The following SH2B2 variants were observed in gnomAD, a reference collection of about 807,000 sequenced individuals.
SH2B2 encodes SH2B adapter protein 2.
Under a neutral mutation model 35.7 loss-of-function variants are expected in SH2B2, and 37 were observed. The ratio of observed to expected loss-of-function variants is 1.04; its 90% CI spans 0.80 to 1.36. SH2B2 has a LOEUF of 1.36. Ranked by LOEUF, SH2B2 falls within the 40% of genes most tolerant of loss-of-function variation. SH2B2 has a pLI of 0.00. For missense variants in SH2B2, 852 were observed against 817.7 expected (o/e 1.04, Z -0.51); for synonymous variants, 383 against 376.4 (o/e 1.02, Z -0.20).
At chr7:102,313,554 T>G (rs1257675118) in intron 4 of SH2B2, among the ~76,000 whole-genome samples, 1 of 152,190 alleles carries the variant, frequency 6.6e-6, no homozygotes, top group Non-Finnish European at 1.5e-5. Context: ...CCCAGAATGC[T>G]AGGATTACAA....
At chr7:102,305,252 TTTTTATTTTA>T (rs149707422) in intron 2 of SH2B2, among the ~76,000 whole-genome samples, 2,800 of 151,934 alleles carry the variant, frequency 0.018, 104 homozygotes, top group African/African-American at 0.063. Context: ...ATTTTTTATT[TTTTTATTTTA>T]TTTTATTTTA....
At position 102,300,667 on chromosome 7, in the gene SH2B2, G is replaced by A; in HGVS notation, c.117G>A (p.Ala39=). ...CGCAGGCGGCCGCCGTGGACTTTGC[G>A]CACAAGTTCTGCCGTTTCCTGCGGG... is the stretch of plus-strand genomic sequence containing the variant. The part of the protein sequence containing the change: ...LHAQAAAVDF[A]HKFCRFLRDN... Residue 39 remains alanine, a synonymous_variant, in exon 2 of 9, where the codon GCG becomes GCA. Transcript: ENST00000444095. The A allele has an allele frequency of 1.3e-6, 2 of 1,549,038 alleles. No homozygotes were observed. Among genetic ancestry groups the A allele is most frequent in the Admixed American group, 2.0e-5 (1 of 50,602 alleles).
In SH2B2 at chr7:102,321,585, G is replaced by T; in HGVS notation, c.1854G>T (p.Ala618=). Residue 618 remains alanine (A), a synonymous_variant, in exon 9 of 9, where the codon GCG becomes GCT. Transcript: ENST00000444095. ...ATAAEEPPEA[A]PGRARAVENQ... is the part of the protein sequence containing the mutation. The stretch of plus-strand genomic sequence containing the variant: ...CCGCCGAGGAGCCCCCGGAGGCCGC[G>T]CCCGGCCGCGCGCGCGCCGTGGAGA... The T allele has an allele frequency of 8.6e-7, 1 of 1,158,650 alleles. No individual in the cohort carries two copies. The highest frequency in any genetic ancestry group is 4.2e-5 in the East Asian group (1 of 23,924). The allele number at this position is 1,158,650 out of a possible 1,614,324, so 71.8% of individuals were successfully genotyped here.
At chr7:102,298,545 C>A (rs1554552919) in intron 1 of SH2B2, among the ~76,000 whole-genome samples, 1 of 152,082 alleles carries the variant, frequency 6.6e-6, no homozygotes, top group African/African-American at 2.4e-5. Context: ...TCCTGAGTAG[C>A]TAGGACTATA....
chr7:102,285,545 C>T (rs1181718138), upstream of SH2B2, among the ~76,000 whole-genome samples: 1 of 152,230 alleles, frequency 6.6e-6, no homozygotes, highest in Non-Finnish European at 1.5e-5. Flanking sequence ...GTCTTCCGTG[C>T]CCCCGTGGAG....
At chr7:102,313,021 C>G (rs1163490672) in intron 4 of SH2B2, among the ~76,000 whole-genome samples, 1 of 150,570 alleles carries the variant, frequency 6.6e-6, no homozygotes, top group Non-Finnish European at 1.5e-5. Context: ...ATCAGCTACT[C>G]GGGAGGCTGA....
chr7:102,314,434 AG>A lies in SH2B2; in HGVS notation c.1015+12del, dbSNP rs1261284071. 2.1e-3 allele frequency: 834 copies of A among 398,772 alleles called. 9 individuals carry two copies. Among genetic ancestry groups the A allele is most frequent in the African/African-American group, 0.015 (733 of 48,746 alleles). The allele number at this position is 398,772 out of a possible 1,614,324, so 24.7% of individuals were successfully genotyped here. On this transcript the variant is annotated splice_region_variant and intron_variant, in intron 5 of 8. Transcript: ENST00000444095. ...TGTGAGCTCCTGACTGATGGTAGGTAGGGGGACAGGGTTGAAGGAGGGGCAC... is the reference window on the plus strand; with the variant it reads ...TGTGAGCTCCTGACTGATGGTAGGTAGGGGACAGGGTTGAAGGAGGGGCAC...
chr7:102,320,089 G>C (rs1403614348), intron 7 of SH2B2, among the ~76,000 whole-genome samples: 3 of 152,142 alleles, frequency 2.0e-5, no homozygotes, highest in African/African-American at 7.2e-5. Context: ...AGGTGTGTAG[G>C]GCATGGGCCC....
At chr7:102,285,203 C>T (rs1297758321), upstream of SH2B2, 7 of 1,551,122 alleles carry the variant, frequency 4.5e-6, no homozygotes, top group African/African-American at 2.7e-5. Flanking sequence ...CATCTCAGGA[C>T]CCTCTCTGGC....
intron 4 of SH2B2, among the ~76,000 whole-genome samples, chr7:102,309,878 A>G (rs537685087): frequency 6.6e-6 from 1 of 152,312 alleles, no homozygotes; most frequent in East Asian, 1.9e-4. Context: ...GGTGGCATGC[A>G]TCTGTTATCC....
rs1793178348 is a variant in SH2B2 at position 102,301,263 on chromosome 7, TCTTCG to T, written c.714_718del (p.Phe239AlafsTer18). 6.2e-7 allele frequency: 1 copy of T among 1,604,584 alleles called. No homozygotes were observed. The highest frequency in any genetic ancestry group is 8.5e-7 in the Non-Finnish European group (1 of 1,176,040). Reference sequence around the variant, plus strand: ...GCCGAGGAACGCTTCCGCCTGGAGTTCTTCGTGCCGCCCAAAGTGAGTTACCCCAT... The same window carrying T: ...GCCGAGGAACGCTTCCGCCTGGAGTTTGCCGCCCAAAGTGAGTTACCCCAT... On this transcript the variant is annotated frameshift_variant, in exon 2 of 9. Coordinates refer to ENST00000444095, the MANE Select transcript of SH2B2 (RefSeq NM_001359228.2). LOFTEE classifies it high-confidence loss of function.
intron 7 of SH2B2, among the ~76,000 whole-genome samples, chr7:102,317,734 G>T (rs1554557388): frequency 6.6e-6 from 1 of 152,162 alleles, no homozygotes; most frequent in Non-Finnish European, 1.5e-5. Flanking sequence ...TCATAGCACT[G>T]GAGCTTCGGA....
At chr7:102,299,881 G>A (rs528339734) in intron 1 of SH2B2, among the ~76,000 whole-genome samples, 1 of 152,288 alleles carries the variant, frequency 6.6e-6, no homozygotes, top group East Asian at 1.9e-4. Context: ...AATGAATGCA[G>A]GACTGCCCCT....
At position 102,308,856 on chromosome 7, in the gene SH2B2, T is replaced by C. The variant is rs889542668; in HGVS notation, c.873T>C (p.Ser291=). The part of the protein sequence containing the change: ...GAEYILETID[S]LQKHSWVADI... ...AATACATCTTGGAGACCATCGACTCTCTGCAGAAGCACTCGTGGGTAGCTG... is the reference window on the plus strand; with the variant it reads ...AATACATCTTGGAGACCATCGACTCCCTGCAGAAGCACTCGTGGGTAGCTG... The change falls in exon 4 of 9, where the codon TCT becomes TCC. Residue 291 remains serine, a synonymous_variant. Coordinates refer to ENST00000444095, the MANE Select transcript of SH2B2 (RefSeq NM_001359228.2). The C allele has an allele frequency of 4.0e-5, 64 of 1,613,610 alleles. No homozygotes were observed. The highest frequency in any genetic ancestry group is 5.0e-5 in the Admixed American group (3 of 59,994).
chr7:102,303,747 G>A (rs1468858124), intron 2 of SH2B2, among the ~76,000 whole-genome samples: 2 of 152,236 alleles, frequency 1.3e-5, no homozygotes. Flanking sequence ...GTCACCCAGA[G>A]GGCAGGGACA....
chr7:102,285,432 G>C (rs1006050633), upstream of SH2B2, among the ~76,000 whole-genome samples: 2 of 152,194 alleles, frequency 1.3e-5, no homozygotes, highest in Admixed American at 1.3e-4. Context: ...GTGCAGCTCC[G>C]ATCGAGGGCT....
chr7:102,308,795 C>A lies in SH2B2; in HGVS notation c.832-20C>A. Reference sequence around the variant, plus strand: ...CATCTGCTGACCGTGTTCTGCACTCCCGGCCACCTTCCTCCCCAGGTAGAG... The same window carrying A: ...CATCTGCTGACCGTGTTCTGCACTCACGGCCACCTTCCTCCCCAGGTAGAG... On this transcript the variant is annotated intron_variant, in intron 3 of 8. Transcript: ENST00000444095. The A allele has an allele frequency of 6.2e-7, 1 of 1,603,980 alleles. No homozygotes were observed. The highest frequency in any genetic ancestry group is 1.1e-5 in the South Asian group (1 of 90,902).
At chr7:102,318,170 G>A (rs944207304) in intron 7 of SH2B2, among the ~76,000 whole-genome samples, 3 of 152,032 alleles carry the variant, frequency 2.0e-5, no homozygotes, top group African/African-American at 4.8e-5. Flanking sequence ...AGACAGTCTC[G>A]CTCTATCCTC....
chr7:102,293,612 C>A (rs1792784101), intron 1 of SH2B2, among the ~76,000 whole-genome samples: 1 of 152,128 alleles, frequency 6.6e-6, no homozygotes, highest in African/African-American at 2.4e-5. Context: ...CCACAGGGGG[C>A]CCTGGCTGGG....
Sources: allele counts gnomAD v4.1 joint callset (sites outside exome capture counted in the v4.1 genomes callset), GRCh38; gene constraint gnomAD v4.1.1; transcripts MANE v1.5; gene names NCBI Gene and HGNC (gene_info 2026-07-23, HGNC 2026-07-21).